DPY19L1: variants seen among roughly 807,000 people sequenced by gnomAD.
DPY19L1 encodes the protein protein C-mannosyl-transferase DPY19L1.
DPY19L1 carries 35 observed loss-of-function variants against 96.9 expected under a neutral mutation model. The observed-to-expected ratio is 0.36, with a 90% CI of 0.28 to 0.48. DPY19L1 has a LOEUF of 0.48. DPY19L1 is among the 20% of genes least tolerant of loss of function. DPY19L1 has a pLI of 0.99. For synonymous variants in DPY19L1, 205 were observed against 252.6 expected (o/e 0.81, Z 1.79); for missense variants, 521 against 777.9 (o/e 0.67, Z 3.93).
At position 34,940,002 on chromosome 7, in the gene DPY19L1, C is replaced by T. The variant is rs184635915; in HGVS notation, c.1864+151G>A. ...CAAACCATTTAAACAGGATTGATAT[C>T]TCCTTTGTTTTAGATATTCTAAAAG... is the stretch of plus-strand genomic sequence containing the variant. On this transcript the variant is annotated intron_variant, in intron 19 of 21. Coordinates refer to ENST00000638088, the MANE Select transcript of DPY19L1 (RefSeq NM_001366673.1). The T allele has an allele frequency of 1.4e-4, 88 of 610,676 alleles. 1 individual carries two copies. Among genetic ancestry groups the T allele is most frequent in the African/African-American group, 1.4e-3 (76 of 52,806 alleles). The allele number at this position is 610,676 out of a possible 1,614,324, so 37.8% of individuals were successfully genotyped here.
chr7:35,017,839 A>C (rs2128679987), intron 3 of DPY19L1, 43 bp downstream of exon 3: 1 of 1,420,976 alleles, frequency 7.0e-7, no homozygotes, highest in Admixed American at 2.2e-5. Context: ...AAATGTTTTT[A>C]AATTCCTAAA....
Position 34,940,140 on chromosome 7 carries a change from T to TC in DPY19L1, c.1864+12_1864+13insG. 6.9e-7 allele frequency: 1 copy of TC among 1,454,634 alleles called. No homozygotes were observed. The highest frequency in any genetic ancestry group is 9.0e-7 in the Non-Finnish European group (1 of 1,108,052). 90.1% of individuals were successfully genotyped at this position (1,454,634 alleles called of 1,614,324 possible). On this transcript the variant is annotated intron_variant, in intron 19 of 21. Coordinates refer to ENST00000638088, the MANE Select transcript of DPY19L1 (RefSeq NM_001366673.1). ...AAATAATATGACTTTTTTTTTCTTTTTTTTTTTTTTACCTGGTTTAGTACT... is the reference window on the plus strand; with the variant it reads ...AAATAATATGACTTTTTTTTTCTTTTCTTTTTTTTTTACCTGGTTTAGTACT...
At chr7:34,979,888 AAG>A (rs1198261570) in intron 7 of DPY19L1, among the ~76,000 whole-genome samples, 1 of 152,082 alleles carries the variant, frequency 6.6e-6, no homozygotes, top group Non-Finnish European at 1.5e-5. Context: ...TATGTGTTGA[AAG>A]AGAGGGAAGT....
chr7:35,028,931 T>C (rs1786195647), intron 1 of DPY19L1, among the ~76,000 whole-genome samples: 1 of 152,208 alleles, frequency 6.6e-6, no homozygotes, highest in Admixed American at 6.5e-5. Flanking sequence ...AGCATGCTAA[T>C]GTATTACAGT....
chr7:34,992,770 T>A (rs1785200543), intron 6 of DPY19L1, among the ~76,000 whole-genome samples: 1 of 151,964 alleles, frequency 6.6e-6, no homozygotes, highest in African/African-American at 2.4e-5. Context: ...TAGATCAGAC[T>A]ATAGAAAACC....
intron 7 of DPY19L1, among the ~76,000 whole-genome samples, chr7:34,984,516 T>C (rs556684919): frequency 1.3e-5 from 2 of 152,336 alleles, no homozygotes; most frequent in Non-Finnish European, 2.9e-5. Flanking sequence ...TCATAACAGA[T>C]GTTGTAGGCT....
intron 19 of DPY19L1, among the ~76,000 whole-genome samples, chr7:34,939,576 C>T (rs1478644887): frequency 6.6e-6 from 1 of 152,158 alleles, no homozygotes; most frequent in East Asian, 1.9e-4. Flanking sequence ...AAACTATTTT[C>T]CTTGGAAAAC....
Position 35,011,515 on chromosome 7 carries a change from T to A in DPY19L1, c.550-65A>T, listed in dbSNP as rs1385610766. On this transcript the variant is annotated intron_variant, in intron 4 of 21. Coordinates refer to ENST00000638088, the MANE Select transcript of DPY19L1 (RefSeq NM_001366673.1). ...TAAACAATTTTCATTACTAGAATAC[T>A]TTTGAGATACTTTGACAATTACCAT... The A allele has an allele frequency of 2.1e-6, 3 of 1,429,242 alleles. No homozygotes were observed. In the Admixed American group the frequency reaches 6.9e-5, roughly 33 times the overall value. The allele number at this position is 1,429,242 out of a possible 1,614,324, so 88.5% of individuals were successfully genotyped here.
chr7:34,953,440 C>A (rs1305771807), intron 13 of DPY19L1, among the ~76,000 whole-genome samples: 1 of 152,082 alleles, frequency 6.6e-6, no homozygotes, highest in African/African-American at 2.4e-5. Context: ...AGGGTTATTT[C>A]ACTTGTCTTC....
intron 10 of DPY19L1, among the ~76,000 whole-genome samples, chr7:34,962,296 G>C (rs2128788280): frequency 6.6e-6 from 1 of 152,306 alleles, no homozygotes; most frequent in East Asian, 1.9e-4. Flanking sequence ...GCCATGAAAA[G>C]ACTTGGAGGA....
At chr7:35,006,643 A>T (rs556187736) in intron 6 of DPY19L1, among the ~76,000 whole-genome samples, 256 of 152,060 alleles carry the variant, frequency 1.7e-3, no homozygotes, top group African/African-American at 1.4e-3. Flanking sequence ...TGAGTATTTT[A>T]AAAAAAATAC....
At chr7:35,006,248 A>C (rs946050386) in intron 6 of DPY19L1, among the ~76,000 whole-genome samples, 7 of 152,120 alleles carry the variant, frequency 4.6e-5, no homozygotes, top group Non-Finnish European at 1.0e-4. Context: ...ACACTATCCA[A>C]TCTATTCTTC....
At chr7:34,994,163 G>C (rs1006213178) in intron 6 of DPY19L1, among the ~76,000 whole-genome samples, 11 of 152,140 alleles carry the variant, frequency 7.2e-5, no homozygotes, top group Admixed American at 3.3e-4. Context: ...GATCACAGTA[G>C]AAAATTTTAA....
Position 34,956,423 on chromosome 7 carries a change from A to C in DPY19L1, c.1180-1056T>G, listed in dbSNP as rs116830907. 2.0e-3 allele frequency among the ~76,000 whole-genome samples: 299 copies of C among 152,164 alleles called. 5 individuals carry two copies. Among genetic ancestry groups the C allele is most frequent in the African/African-American group, 6.7e-3 (277 of 41,524 alleles). ...AAAATATAGCATCATGCTAATTGCT[A>C]ATTTCTGTAGCTAAGTATACTCAAG... is the stretch of plus-strand genomic sequence containing the variant. On this transcript the variant is annotated intron_variant, in intron 11 of 21. Transcript: ENST00000638088.
intron 3 of DPY19L1, among the ~76,000 whole-genome samples, chr7:35,016,883 G>A (rs557860370): frequency 9.9e-5 from 15 of 151,764 alleles, no homozygotes; most frequent in African/African-American, 3.1e-4. Flanking sequence ...ACAAATAGCA[G>A]GAAAACAAAA....
intron 6 of DPY19L1, among the ~76,000 whole-genome samples, chr7:34,990,944 T>A (rs1785153363): frequency 6.6e-6 from 1 of 152,136 alleles, no homozygotes; most frequent in Non-Finnish European, 1.5e-5. Flanking sequence ...TCTTGTGATG[T>A]ATCAATGAGG....
chr7:34,956,825 T>A (rs1300427574), intron 11 of DPY19L1, among the ~76,000 whole-genome samples: 2 of 152,104 alleles, frequency 1.3e-5, no homozygotes, highest in East Asian at 3.9e-4. Flanking sequence ...TTTAAATAAA[T>A]ATCATTTGTA....
At chr7:35,020,172 T>G (rs1472481942) in intron 1 of DPY19L1, among the ~76,000 whole-genome samples, 1 of 152,172 alleles carries the variant, frequency 6.6e-6, no homozygotes, top group Non-Finnish European at 1.5e-5. Context: ...ATAATAAAAT[T>G]TGGTCTTTAT....
At chr7:34,992,592 G>C (rs1785196534) in intron 6 of DPY19L1, among the ~76,000 whole-genome samples, 1 of 144,710 alleles carries the variant, frequency 6.9e-6, no homozygotes, top group African/African-American at 2.6e-5. Flanking sequence ...TGTCACCCAA[G>C]CTAGGGTAGA....
Sources: allele counts gnomAD v4.1 joint callset (sites outside exome capture counted in the v4.1 genomes callset), GRCh38; gene constraint gnomAD v4.1.1; transcripts MANE v1.5; gene names NCBI Gene and HGNC (gene_info 2026-07-23, HGNC 2026-07-21).